The following CDK8 variants were observed in gnomAD, a reference collection of about 807,000 sequenced individuals.
CDK8 encodes cyclin-dependent kinase 8.
CDK8 carries 29 observed loss-of-function variants against 71.5 expected under a neutral mutation model. The observed-to-expected ratio is 0.41, with a 90% CI of 0.30 to 0.55. The LOEUF (loss-of-function observed/expected upper bound fraction) is 0.55, where lower values mean the gene tolerates loss of function less well. Ranked by LOEUF, CDK8 falls within the 20% of genes least tolerant of loss-of-function variation. The pLI is 0.37. For synonymous variants in CDK8, 161 were observed against 192.1 expected, an observed-to-expected ratio of 0.84 and a Z score of 1.34; for missense variants, 288 against 572.6, an observed-to-expected ratio of 0.50 and a Z score of 5.07.
chr13:26,265,124 G>A (rs1871965583), intron 1 of CDK8, among the ~76,000 whole-genome samples: 2 of 152,218 alleles, frequency 1.3e-5, no homozygotes, highest in East Asian at 1.9e-4. Flanking sequence ...GGATTGAATG[G>A]TAATTCTATT....
intron 1 of CDK8, among the ~76,000 whole-genome samples, chr13:26,269,165 A>G (rs1384666265): frequency 6.6e-6 from 1 of 152,230 alleles, no homozygotes; most frequent in Non-Finnish European, 1.5e-5. Context: ...GGTGATTGTA[A>G]GACAGCTCTG....
intron 7 of CDK8, among the ~76,000 whole-genome samples, chr13:26,395,727 A>G (rs1459198438): frequency 6.6e-6 from 1 of 152,182 alleles, no homozygotes; most frequent in Non-Finnish European, 1.5e-5. Flanking sequence ...CAGCCCACTT[A>G]TTAATATACT....
Position 26,374,820 on chromosome 13 carries a change from G to T in CDK8, c.457-7994G>T, listed in dbSNP as rs1874869856. The stretch of plus-strand genomic sequence containing the variant: ...CAGATTGATTTTATTATACTTGATG[G>T]TGTTATTTCTAGAAATGATAATGTT... On this transcript the variant is annotated intron_variant, in intron 4 of 12. Coordinates refer to ENST00000381527, the MANE Select transcript of CDK8 (RefSeq NM_001260.3). Among the ~76,000 whole-genome samples, 3 of 152,052 alleles carry T rather than the reference G, an allele frequency of 2.0e-5. No individual in the cohort carries two copies. The South Asian group carries it at 6.2e-4, about 32-fold the overall frequency.
intron 1 of CDK8, among the ~76,000 whole-genome samples, chr13:26,307,934 A>G (rs943686451): frequency 7.9e-5 from 12 of 152,234 alleles, no homozygotes; most frequent in African/African-American, 2.9e-4. Context: ...TTTTATTGCT[A>G]TCAATTCCAT....
chr13:26,389,694 C>G (rs1875654182), intron 6 of CDK8, among the ~76,000 whole-genome samples: 1 of 151,956 alleles, frequency 6.6e-6, no homozygotes, highest in African/African-American at 2.4e-5. Context: ...AAACCACTTT[C>G]AATTTAAGTT....
In CDK8 at chr13:26,385,324, C is replaced by A; in HGVS notation, c.628C>A (p.His210Asn). 1 of 1,609,756 alleles carries A rather than the reference C, an allele frequency of 6.2e-7. No individual in the cohort carries two copies. Among genetic ancestry groups the A allele is most frequent in the South Asian group, 1.1e-5 (1 of 89,634 alleles). The change falls in exon 6 of 13, where the codon CAT (histidine) becomes AAT (asparagine). Residue 210 changes from histidine (H) to asparagine (N), a missense_variant. His to Asn is a moderately conservative substitution (Grantham distance 68). Coordinates refer to ENST00000381527, the MANE Select transcript of CDK8 (RefSeq NM_001260.3). The stretch of plus-strand genomic sequence containing the variant: ...CCCTGAACTACTTCTTGGAGCAAGG[C>A]ATTATACCAAAGCTATTGGTGAGTA... ...RAPELLLGARHYTKAIDIWAI... is the reference protein window; with the variant it reads ...RAPELLLGARNYTKAIDIWAI...
At chr13:26,302,394 A>T (rs755214912) in intron 1 of CDK8, among the ~76,000 whole-genome samples, 3 of 152,208 alleles carry the variant, frequency 2.0e-5, no homozygotes, top group Non-Finnish European at 2.9e-5. Flanking sequence ...GAACCAATTG[A>T]TATGGATCTG....
At chr13:26,323,244 C>T (rs1178344124) in intron 1 of CDK8, among the ~76,000 whole-genome samples, 1 of 151,502 alleles carries the variant, frequency 6.6e-6, no homozygotes, top group Non-Finnish European at 1.5e-5. Context: ...CTGGTGAGGG[C>T]TATCTTCCTG....
At chr13:26,402,665 G>T (rs1876320093) in intron 12 of CDK8, among the ~76,000 whole-genome samples, 1 of 152,230 alleles carries the variant, frequency 6.6e-6, no homozygotes, top group South Asian at 2.1e-4. Context: ...AGGGCAGACA[G>T]CTGTGGGAGT....
intron 1 of CDK8, among the ~76,000 whole-genome samples, chr13:26,275,679 A>G (rs1051150490): frequency 3.3e-5 from 5 of 152,242 alleles, no homozygotes; most frequent in South Asian, 4.1e-4. Context: ...AGACGGTTCA[A>G]TAAATCCTCA....
At chr13:26,268,761 A>G (rs547921237) in intron 1 of CDK8, among the ~76,000 whole-genome samples, 5 of 152,190 alleles carry the variant, frequency 3.3e-5, no homozygotes, top group Non-Finnish European at 7.4e-5. Context: ...CTCTATTCCA[A>G]CTTGATAATG....
chr13:26,334,131 G>A (rs1872879779), intron 1 of CDK8, among the ~76,000 whole-genome samples: 2 of 152,136 alleles, frequency 1.3e-5, no homozygotes, highest in South Asian at 2.1e-4. Context: ...TATATTACTT[G>A]GAGTAGGGGA....
At chr13:26,320,921 T>C (rs1330991099) in intron 1 of CDK8, among the ~76,000 whole-genome samples, 1 of 152,176 alleles carries the variant, frequency 6.6e-6, no homozygotes, top group Admixed American at 6.5e-5. Context: ...GCACTGTTGG[T>C]GGTGATGTTA....
intron 1 of CDK8, among the ~76,000 whole-genome samples, chr13:26,280,494 T>C (rs1872701206): frequency 6.6e-6 from 1 of 152,218 alleles, no homozygotes; most frequent in African/African-American, 2.4e-5. Context: ...AACTTGTCTA[T>C]GATTAAAGCC....
intron 1 of CDK8, among the ~76,000 whole-genome samples, chr13:26,295,263 A>C (rs986323267): frequency 8.6e-5 from 13 of 151,856 alleles, no homozygotes; most frequent in African/African-American, 3.1e-4. Flanking sequence ...TTTTTTTGGG[A>C]TCCCTTAGAC....
chr13:26,282,896 A>G (rs1429241254), intron 1 of CDK8, among the ~76,000 whole-genome samples: 1 of 152,200 alleles, frequency 6.6e-6, no homozygotes, highest in Admixed American at 6.5e-5. Flanking sequence ...ATGGAAGCCA[A>G]AAGCAAGCAG....
At chr13:26,298,363 A>C (rs1873662003) in intron 1 of CDK8, among the ~76,000 whole-genome samples, 1 of 152,122 alleles carries the variant, frequency 6.6e-6, no homozygotes, top group South Asian at 2.1e-4. Flanking sequence ...AGGCCACAGA[A>C]GTTCAAGAGA....
chr13:26,282,034 A>G (rs1335108581), intron 1 of CDK8, among the ~76,000 whole-genome samples: 1 of 151,952 alleles, frequency 6.6e-6, no homozygotes, highest in African/African-American at 2.4e-5. Context: ...AAAGAATAAA[A>G]AAAAAGAACA....
chr13:26,382,106 C>T (rs547854869), intron 4 of CDK8, among the ~76,000 whole-genome samples: 109 of 152,206 alleles, frequency 7.2e-4, no homozygotes, highest in Non-Finnish European at 8.5e-4. Flanking sequence ...TTCTGCTCTT[C>T]CTTCGCTTTC....
Sources: allele counts gnomAD v4.1 joint callset (sites outside exome capture counted in the v4.1 genomes callset), GRCh38; gene constraint gnomAD v4.1.1; transcripts MANE v1.5; gene names NCBI Gene and HGNC (gene_info 2026-07-23, HGNC 2026-07-21).